Variants in CLEC2L observed in about 807,000 individuals in gnomAD.
The protein encoded by CLEC2L is C-type lectin domain family 2, member L.
A neutral mutation model predicts 23.6 loss-of-function variants in CLEC2L; 14 were observed. The observed-to-expected ratio is 0.59, with a 90% confidence interval of 0.39 to 0.93. The LOEUF (loss-of-function observed/expected upper bound fraction) is 0.93, where lower values mean the gene tolerates loss of function less well. CLEC2L is among the 40% of genes least tolerant of loss of function. The pLI is 0.00. For synonymous variants in CLEC2L, 114 were observed against 121.3 expected (o/e 0.94, Z 0.40); for missense variants, 264 against 282.4 (o/e 0.93, Z 0.47).
At chr7:139,533,500 C>T (rs1797609346) in intron 1 of CLEC2L, among the ~76,000 whole-genome samples, 1 of 152,140 alleles carries the variant, frequency 6.6e-6, no homozygotes, top group Non-Finnish European at 1.5e-5. Flanking sequence ...GGATTACAGG[C>T]ACACACCACC....
intron 1 of CLEC2L, among the ~76,000 whole-genome samples, chr7:139,535,586 G>T (rs528291297): frequency 2.6e-5 from 4 of 151,786 alleles, no homozygotes; most frequent in Non-Finnish European, 5.9e-5. Flanking sequence ...CGTCTAAAAG[G>T]GTTATCTCGT....
chr7:139,525,963 C>CACCATGGCCCCCTGCCTTGCCTT (rs1797499812), intron 1 of CLEC2L, among the ~76,000 whole-genome samples: 1 of 152,224 alleles, frequency 6.6e-6, no homozygotes, highest in Non-Finnish European at 1.5e-5. Context: ...AGCCTTGCCT[C>CACCATGGCCCCCTGCCTTGCCTT]ACCATGGCCC....
At chr7:139,534,413 T>A (rs1218474854) in intron 1 of CLEC2L, 4 of 901,094 alleles carry the variant, frequency 4.4e-6, no homozygotes, top group Non-Finnish European at 5.7e-6. Context: ...GTCAGTTGTT[T>A]GATTTCATCA....
At chr7:139,542,302 T>C (rs1163223866) in intron 4 of CLEC2L, among the ~76,000 whole-genome samples, 181 bp downstream of exon 4, 1 of 152,124 alleles carries the variant, frequency 6.6e-6, no homozygotes, top group Non-Finnish European at 1.5e-5. Flanking sequence ...TCTCCCTCTC[T>C]CATAAAAGTC....
intron 1 of CLEC2L, chr7:139,534,240 G>A (rs1187719889): frequency 8.6e-6 from 9 of 1,050,442 alleles, no homozygotes; most frequent in South Asian, 6.3e-5. Flanking sequence ...AGTTTGGCGC[G>A]ATGTCTCACA....
intron 1 of CLEC2L, among the ~76,000 whole-genome samples, chr7:139,524,983 CAG>C (rs759545158): frequency 5.3e-5 from 8 of 152,242 alleles, no homozygotes; most frequent in African/African-American, 9.6e-5. Flanking sequence ...GGCGTGGAGA[CAG>C]AGGGGAAGGT....
Position 139,544,270 on chromosome 7 carries a change from GC to G in CLEC2L, c.576del (p.Thr193ProfsTer9). On this transcript the variant is annotated frameshift_variant, in exon 5 of 5. Transcript: ENST00000422142. LOFTEE classifies it high-confidence loss of function. ...AGPGECVFVE[P>X]TRLVSTECLM... is the part of the protein sequence containing the mutation. ...GTCCAGGGGAGTGTGTCTTCGTGGA[GC>G]CCACCAGGCTGGTGTCGACGGAGTG... The G allele has an allele frequency of 1.2e-6, 2 of 1,613,508 alleles. No homozygotes were observed. The highest frequency in any genetic ancestry group is 1.3e-5 in the African/African-American group (1 of 75,022).
At chr7:139,538,179 T>C (rs917907205) in intron 2 of CLEC2L, among the ~76,000 whole-genome samples, 2 of 152,192 alleles carry the variant, frequency 1.3e-5, no homozygotes, top group Non-Finnish European at 2.9e-5. Flanking sequence ...AAGCCTGTAA[T>C]CCCAGCACTT....
Position 139,524,002 on chromosome 7 carries a change from C to T in CLEC2L, c.75C>T (p.Pro25=), listed in dbSNP as rs1164005146. ...TCGCCGCGCGCCCCGCGCCCGCCCC[C>T]GCCGCCCCCAGGCCGCGTTCGCCCG... The part of the protein sequence containing the change: ...PPLAARPAPA[P]AAPRPRSPAE... Residue 25 remains proline (P), a synonymous_variant, in exon 1 of 5, where the codon CCC becomes CCT. Transcript: ENST00000422142. The T allele has an allele frequency of 1.9e-6, 2 of 1,078,088 alleles. No homozygotes were observed. The highest frequency in any genetic ancestry group is 4.4e-5 in the South Asian group (1 of 22,864). 66.8% of individuals were successfully genotyped at this position (1,078,088 alleles called of 1,614,324 possible). A position where few individuals can be genotyped will look rare whatever the true frequency, so the allele number is the denominator to read the frequency against.
At chr7:139,527,600 G>C (rs928951853) in intron 1 of CLEC2L, among the ~76,000 whole-genome samples, 6 of 152,160 alleles carry the variant, frequency 3.9e-5, no homozygotes, top group African/African-American at 1.4e-4. Context: ...AGGTGACCCG[G>C]AGAGCCCGCC....
Position 139,544,330 on chromosome 7 carries a change from G to A in CLEC2L, c.633G>A (p.Met211Ile), listed in dbSNP as rs1297911975. The change falls in exon 5 of 5, where the codon ATG (methionine) becomes ATA (isoleucine). Residue 211 changes from methionine to isoleucine, a missense_variant. By Grantham distance (10) the Met-to-Ile change is conservative (BLOSUM62 1). Coordinates refer to ENST00000422142, the MANE Select transcript of CLEC2L (RefSeq NM_001080511.4). ...LMTRPWVCSK[M>I]AYT ...CCCGGCCCTGGGTGTGCAGCAAGAT[G>A]GCCTATACTTGAGGTGGGTGGGGCC... is the stretch of plus-strand genomic sequence containing the variant. The A allele has an allele frequency of 1.2e-6, 2 of 1,611,448 alleles. No homozygotes were observed. Among genetic ancestry groups the A allele is most frequent in the Non-Finnish European group, 1.7e-6 (2 of 1,178,548 alleles).
At chr7:139,534,345 G>A in intron 1 of CLEC2L, 1 of 1,123,560 alleles carries the variant, frequency 8.9e-7, no homozygotes, top group Non-Finnish European at 1.4e-6. Context: ...TTTGTAAAAT[G>A]TATGAAGACA....
At chr7:139,536,976 CAA>C (rs1159255018) in intron 2 of CLEC2L, among the ~76,000 whole-genome samples, 18 of 37,306 alleles carry the variant, frequency 4.8e-4, no homozygotes, top group African/African-American at 1.1e-3. Context: ...GACTCCATCT[CAA>C]AAAAAAAAAA....
At chr7:139,538,441 AAAC>A (rs1797689245) in intron 2 of CLEC2L, among the ~76,000 whole-genome samples, 2 of 146,118 alleles carry the variant, frequency 1.4e-5, no homozygotes, top group African/African-American at 5.2e-5. Flanking sequence ...AAAAAAAAAA[AAAC>A]AAAAAACAAA....
At chr7:139,528,921 A>G (rs1329820600) in intron 1 of CLEC2L, among the ~76,000 whole-genome samples, 1 of 152,236 alleles carries the variant, frequency 6.6e-6, no homozygotes, top group Non-Finnish European at 1.5e-5. Context: ...AGTGCTGCAG[A>G]TACATGTACC....
At chr7:139,529,207 A>G (rs531416119) in intron 1 of CLEC2L, among the ~76,000 whole-genome samples, 14 of 152,350 alleles carry the variant, frequency 9.2e-5, no homozygotes, top group African/African-American at 3.4e-4. Flanking sequence ...GAGTTGATTG[A>G]ATAGAGTTTA....
At chr7:139,542,466 G>A (rs1797749895) in intron 4 of CLEC2L, among the ~76,000 whole-genome samples, 1 of 152,206 alleles carries the variant, frequency 6.6e-6, no homozygotes, top group African/African-American at 2.4e-5. Context: ...GCCAGAACGG[G>A]ACAGAGAATG....
chr7:139,524,990 G>C (rs1797485850), intron 1 of CLEC2L, among the ~76,000 whole-genome samples: 1 of 152,180 alleles, frequency 6.6e-6, no homozygotes, highest in African/African-American at 2.4e-5. Context: ...AGACAGAGGG[G>C]AAGGTGTTCC....
intron 3 of CLEC2L, among the ~76,000 whole-genome samples, chr7:139,541,256 G>A (rs1172167082): frequency 6.6e-6 from 1 of 151,742 alleles, no homozygotes; most frequent in African/African-American, 2.4e-5. Flanking sequence ...TGATCCACCC[G>A]CCTAGGCCTC....
Sources: allele counts gnomAD v4.1 joint callset (sites outside exome capture counted in the v4.1 genomes callset), GRCh38; gene constraint gnomAD v4.1.1; transcripts MANE v1.5; gene names NCBI Gene and HGNC (gene_info 2026-07-23, HGNC 2026-07-21).